RASGEF1A: variants seen among roughly 807,000 people sequenced by gnomAD.
The protein encoded by RASGEF1A is RasGEF domain family member 1A, also known as ras-GEF domain-containing family member 1A.
In RASGEF1A, 18 loss-of-function variants were observed where a neutral mutation model predicts 56.4. That is an observed-to-expected ratio of 0.32 (90% CI 0.22 to 0.47). The LOEUF (loss-of-function observed/expected upper bound fraction) is 0.47. Ranked by LOEUF, RASGEF1A falls within the 20% of genes least tolerant of loss-of-function variation. The pLI, the probability that RASGEF1A is intolerant of heterozygous loss-of-function variation, is 1.00. For synonymous variants in RASGEF1A, 245 were observed against 242.6 expected, an observed-to-expected ratio of 1.01 and a Z score of -0.09; for missense variants, 422 against 627.1, an observed-to-expected ratio of 0.67 and a Z score of 3.49.
At chr10:43,221,133 G>A (rs994679821) in intron 1 of RASGEF1A, among the ~76,000 whole-genome samples, 4 of 152,102 alleles carry the variant, frequency 2.6e-5, no homozygotes, top group Admixed American at 6.5e-5. Flanking sequence ...GGGGGTCTGC[G>A]GTCCCTCTGC....
At chr10:43,207,655 T>C in intron 1 of RASGEF1A, 2 of 985,512 alleles carry the variant, frequency 2.0e-6, no homozygotes, top group Non-Finnish European at 2.4e-6. Flanking sequence ...AGGGAGGTCA[T>C]GGCTCAGACT....
chr10:43,209,234 G>A (rs1207709097), intron 1 of RASGEF1A: 1 of 984,208 alleles, frequency 1.0e-6, no homozygotes, highest in Non-Finnish European at 1.2e-6. Context: ...GGCTACAGTT[G>A]AAGAATCCCA....
intron 1 of RASGEF1A, among the ~76,000 whole-genome samples, chr10:43,216,068 T>C (rs964517377): frequency 5.3e-5 from 8 of 152,178 alleles, no homozygotes; most frequent in African/African-American, 1.9e-4. Context: ...CTCCAAAACA[T>C]GCACTGACTG....
intron 1 of RASGEF1A, among the ~76,000 whole-genome samples, chr10:43,225,493 G>A (rs1271727996): frequency 6.6e-6 from 1 of 151,836 alleles, no homozygotes; most frequent in African/African-American, 2.4e-5. Context: ...CTGTGTCTGT[G>A]TCTCTGCATG....
At chr10:43,208,642 T>C (rs1840027919) in intron 1 of RASGEF1A, 1 of 985,590 alleles carries the variant, frequency 1.0e-6, no homozygotes, top group African/African-American at 1.7e-5. Context: ...CTGGGTTCCT[T>C]CTGTCCTGCC....
At chr10:43,207,060 C>T in intron 1 of RASGEF1A, 2 of 985,568 alleles carry the variant, frequency 2.0e-6, no homozygotes, top group South Asian at 4.7e-5. Flanking sequence ...TCCCCAGTGC[C>T]CCAGACAGCC....
At chr10:43,230,166 G>C (rs1214586076) in intron 1 of RASGEF1A, among the ~76,000 whole-genome samples, 1 of 152,226 alleles carries the variant, frequency 6.6e-6, no homozygotes, top group Non-Finnish European at 1.5e-5. Flanking sequence ...GTCCACTACG[G>C]AACTACAGCA....
intron 1 of RASGEF1A, among the ~76,000 whole-genome samples, chr10:43,210,332 G>C (rs1462657420): frequency 6.6e-6 from 1 of 152,182 alleles, no homozygotes; most frequent in Non-Finnish European, 1.5e-5. Flanking sequence ...AAATTAGCCA[G>C]GTGTGGTGGC....
rs747351138 is a variant in RASGEF1A, at chr10:43,199,632, G to A, written c.849+44C>T. The A allele has an allele frequency of 2.0e-6, 3 of 1,480,846 alleles. No individual in the cohort carries two copies. In the Admixed American group the frequency reaches 5.0e-5, roughly 25 times the overall value. The allele number at this position is 1,480,846 out of a possible 1,614,324, so 91.7% of individuals were successfully genotyped here. On this transcript the variant is annotated intron_variant, in intron 7 of 12. Coordinates refer to ENST00000395810, the MANE Select transcript of RASGEF1A (RefSeq NM_145313.4). ...GGGCAAGATCAGGGTCTCACTGGGT[G>A]TGGGCATGGCAGCCACCCCACCATG...
At chr10:43,234,572 C>A (rs1840408399) in intron 1 of RASGEF1A, among the ~76,000 whole-genome samples, 1 of 152,176 alleles carries the variant, frequency 6.6e-6, no homozygotes. Context: ...CCTGATGAGG[C>A]TCAGCCCACA....
chr10:43,218,845 T>C (rs1840170617), intron 1 of RASGEF1A, among the ~76,000 whole-genome samples: 1 of 152,260 alleles, frequency 6.6e-6, no homozygotes, highest in Non-Finnish European at 1.5e-5. Context: ...AAAGCTTTGT[T>C]ACAGACACAT....
intron 1 of RASGEF1A, among the ~76,000 whole-genome samples, chr10:43,258,221 C>CA (rs1351421688): frequency 6.6e-6 from 1 of 152,212 alleles, no homozygotes; most frequent in Admixed American, 6.5e-5. Context: ...TCGTTTAACT[C>CA]AATTTTGCAG....
At chr10:43,212,236 C>T (rs1034093802) in intron 1 of RASGEF1A, among the ~76,000 whole-genome samples, 4 of 152,196 alleles carry the variant, frequency 2.6e-5, no homozygotes, top group African/African-American at 4.8e-5. Flanking sequence ...GAACACATCC[C>T]GGCATCTCTC....
At chr10:43,203,932 G>T (rs1158603548) in intron 2 of RASGEF1A, 5 of 220,924 alleles carry the variant, frequency 2.3e-5, no homozygotes, top group Non-Finnish European at 3.1e-5. Flanking sequence ...CATCAGCAGG[G>T]GCGGGGCCCC....
intron 7 of RASGEF1A, 143 bp from the exon 8 acceptor site, chr10:43,199,337 T>C: frequency 4.3e-6 from 3 of 690,296 alleles, no homozygotes; most frequent in South Asian, 3.3e-5. Flanking sequence ...CATGGCTGCG[T>C]CTGGGAGGTC....
rs1442908682 is a variant in RASGEF1A at position 43,196,903 on chromosome 10, C to G, written c.1348+73G>C. 6 of 1,576,680 alleles carry G rather than the reference C, an allele frequency of 3.8e-6. No homozygotes were observed. ...CCAGCAGGCCATCTCCCAGGGCAAC[C>G]CCAAAGAGCACCGGGCCTGGACAAG... On this transcript the variant is annotated intron_variant, in intron 11 of 12. Transcript: ENST00000395810. The surrounding 1 kb of genome is among the most constrained non-coding windows in gnomAD (Gnocchi z 4.6).
chr10:43,248,804 G>A (rs1840595111), intron 1 of RASGEF1A, among the ~76,000 whole-genome samples: 1 of 152,146 alleles, frequency 6.6e-6, no homozygotes, highest in African/African-American at 2.4e-5. Context: ...GGGTTGCCTC[G>A]CCCTGTTCTA....
chr10:43,242,912 C>T (rs1840519630), intron 1 of RASGEF1A, among the ~76,000 whole-genome samples: 1 of 152,248 alleles, frequency 6.6e-6, no homozygotes, highest in African/African-American at 2.4e-5. Flanking sequence ...CTGCCTTGGC[C>T]TCCCAAAGTG....
At chr10:43,244,210 C>T (rs1012109301) in intron 1 of RASGEF1A, among the ~76,000 whole-genome samples, 33 of 152,174 alleles carry the variant, frequency 2.2e-4, no homozygotes, top group African/African-American at 5.1e-4. Flanking sequence ...GAGTCATCAC[C>T]GTTCCCTAAT....
Sources: allele counts gnomAD v4.1 joint callset (sites outside exome capture counted in the v4.1 genomes callset), GRCh38; gene constraint gnomAD v4.1.1; non-coding constraint Gnocchi (gnomAD v3.1); transcripts MANE v1.5; gene names NCBI Gene and HGNC (gene_info 2026-07-23, HGNC 2026-07-21).